Variants in HABP2 observed in about 807,000 individuals in gnomAD.
HABP2 encodes the protein factor VII-activating protease.
A neutral mutation model predicts 66.5 loss-of-function variants in HABP2; 65 were observed. That is an observed-to-expected ratio of 0.98 (90% CI 0.80 to 1.20). The LOEUF is 1.20. HABP2 is among the 50% of genes most tolerant of loss of function. The probability of loss-of-function intolerance (pLI) is 0.00; values close to 1 mark genes in which losing one functional copy is unlikely to be tolerated. For missense variants in HABP2, 786 were observed against 691.0 expected (o/e 1.14, Z -1.54); for synonymous variants, 263 against 253.9 (o/e 1.04, Z -0.34).
intron 2 of HABP2, chr10:113,569,692 G>A (rs752249087): frequency 2.0e-5 from 3 of 152,314 alleles, no homozygotes; most frequent in Non-Finnish European, 2.9e-5. Context: ...CTTCAAAGCT[G>A]GCTTGGCTCT....
intron 3 of HABP2, among the ~76,000 whole-genome samples, chr10:113,574,748 A>G (rs1438830549): frequency 1.3e-5 from 2 of 152,212 alleles, no homozygotes; most frequent in African/African-American, 4.8e-5. Flanking sequence ...CCCATAGCTT[A>G]GATTACAGGT....
chr10:113,557,086 C>A (rs1845011245), intron 1 of HABP2, among the ~76,000 whole-genome samples: 1 of 152,158 alleles, frequency 6.6e-6, no homozygotes, highest in Non-Finnish European at 1.5e-5. Context: ...AGTGACCAGG[C>A]TCAGCATCCG....
intron 2 of HABP2, among the ~76,000 whole-genome samples, chr10:113,568,851 G>A (rs1188718059): frequency 6.6e-6 from 1 of 152,186 alleles, no homozygotes; most frequent in African/African-American, 2.4e-5. Flanking sequence ...GAAGACTCAA[G>A]GGCCCTTGAC....
chr10:113,580,529 G>T (rs767807573), intron 7 of HABP2, 66 bp from the exon 8 acceptor site: 8 of 849,680 alleles, frequency 9.4e-6, no homozygotes, highest in Non-Finnish European at 1.6e-5. Flanking sequence ...TTATCCAAAG[G>T]TTCTTTAATA....
chr10:113,556,460 A>G (rs1565095021), intron 1 of HABP2, among the ~76,000 whole-genome samples: 1 of 152,114 alleles, frequency 6.6e-6, no homozygotes, highest in Non-Finnish European at 1.5e-5. Flanking sequence ...CATGCCTGTA[A>G]TCCCAGCACT....
At chr10:113,567,251 C>G (rs1845214700) in intron 1 of HABP2, among the ~76,000 whole-genome samples, 2 of 152,120 alleles carry the variant, frequency 1.3e-5, no homozygotes, top group African/African-American at 4.8e-5. Flanking sequence ...TGACACGAAC[C>G]CCTGCTGTGG....
intron 7 of HABP2, 30 bp from the exon 8 acceptor site, chr10:113,580,565 G>T: frequency 1.8e-6 from 2 of 1,139,778 alleles, no homozygotes; most frequent in South Asian, 2.5e-5. Context: ...ATCAAGCCTT[G>T]ACTCTGAGTT....
chr10:113,578,642 A>G lies in HABP2; in HGVS notation c.584A>G (p.Tyr195Cys), dbSNP rs141190297. The G allele has an allele frequency of 1.1e-5, 18 of 1,612,682 alleles. No individual in the cohort carries two copies. The highest frequency in any genetic ancestry group is 6.7e-5 in the East Asian group (3 of 44,882). Residue 195 changes from tyrosine to cysteine, a missense_variant, in exon 7 of 13, where the codon TAT (tyrosine) becomes TGT (cysteine). Tyr to Cys is a radical substitution (Grantham distance 194, BLOSUM62 -2). Transcript: ENST00000351270. ...TCTCTCGGAGGTTCTGATGACTGCT[A>G]TGTTGGCGATGGCTACTCTTACCGA... ...KFCEIGSDDC[Y>C]VGDGYSYRGK...
intron 1 of HABP2, among the ~76,000 whole-genome samples, chr10:113,557,958 G>C (rs1213157828): frequency 6.6e-6 from 1 of 152,206 alleles, no homozygotes; most frequent in Non-Finnish European, 1.5e-5. Context: ...GGAGGTTACA[G>C]CTCTGGGATT....
intron 1 of HABP2, among the ~76,000 whole-genome samples, chr10:113,561,567 T>C (rs1845100950): frequency 6.6e-6 from 1 of 151,904 alleles, no homozygotes; most frequent in Non-Finnish European, 1.5e-5. Context: ...AGGCATAGGG[T>C]AGAACATGCA....
chr10:113,567,656 C>A (rs771318382), intron 2 of HABP2, 131 bp downstream of exon 2: 3 of 702,740 alleles, frequency 4.3e-6, no homozygotes, highest in Non-Finnish European at 7.7e-6. Flanking sequence ...TCACAGGCAC[C>A]TTTGAGAACT....
In HABP2 at chr10:113,576,017, T is replaced by C. The variant is rs749035118; in HGVS notation, c.331+13T>C. On this transcript the variant is annotated intron_variant, in intron 4 of 12. Transcript: ENST00000351270. Reference sequence around the variant, plus strand: ...AAGTGTCAGAAAGGTGAGTCCGTCATCACTAGTCCACTCTTCCCTCTGAGT... The same window carrying C: ...AAGTGTCAGAAAGGTGAGTCCGTCACCACTAGTCCACTCTTCCCTCTGAGT... 7.5e-6 allele frequency: 10 copies of C among 1,337,022 alleles called. No individual in the cohort carries two copies. Among genetic ancestry groups the C allele is most frequent in the Admixed American group, 5.0e-5 (3 of 59,476 alleles). 82.8% of individuals were successfully genotyped at this position (1,337,022 alleles called of 1,614,324 possible).
chr10:113,561,887 C>T (rs891442656), intron 1 of HABP2, among the ~76,000 whole-genome samples: 2 of 152,176 alleles, frequency 1.3e-5, no homozygotes, highest in African/African-American at 4.8e-5. Context: ...GATGTATGTG[C>T]ACCCCACCCA....
At chr10:113,571,129 C>G (rs1845299810) in intron 2 of HABP2, among the ~76,000 whole-genome samples, 1 of 152,174 alleles carries the variant, frequency 6.6e-6, no homozygotes, top group Non-Finnish European at 1.5e-5. Context: ...AACCACTGAC[C>G]ATGTATTTAG....
chr10:113,555,820 G>C (rs1317162026), intron 1 of HABP2, among the ~76,000 whole-genome samples: 1 of 152,184 alleles, frequency 6.6e-6, no homozygotes. Context: ...ATTGGGGCCA[G>C]GTCTGTCTGA....
intron 12 of HABP2, among the ~76,000 whole-genome samples, chr10:113,587,253 G>T (rs536299556): frequency 1.3e-5 from 2 of 152,240 alleles, no homozygotes; most frequent in African/African-American, 4.8e-5. Context: ...GGAAACGGAG[G>T]TTGCAGTGAG....
chr10:113,551,052 T>C (rs1844890102), upstream of HABP2: 1 of 152,200 alleles, frequency 6.6e-6, no homozygotes, highest in African/African-American at 2.4e-5. Context: ...CCACATCCAG[T>C]TTTTCCTTTC....
chr10:113,589,429 T>C lies in HABP2; in HGVS notation c.*1060T>C. ...GGGATTGATGTAGCCCCGGTAGGTT[T>C]GCCTCTGCAGAACTAATGGCTGTGA... On this transcript the variant is annotated 3_prime_UTR_variant, in exon 13 of 13. Coordinates refer to ENST00000351270, the MANE Select transcript of HABP2 (RefSeq NM_004132.5). 1.7e-6 allele frequency: 1 copy of C among 593,826 alleles called. No individual in the cohort carries two copies. 36.8% of individuals were successfully genotyped at this position (593,826 alleles called of 1,614,324 possible). A position where few individuals can be genotyped will look rare whatever the true frequency, so the allele number is the denominator to read the frequency against.
intron 2 of HABP2, chr10:113,572,554 AC>A (rs1845332637): frequency 3.3e-6 from 1 of 304,980 alleles, no homozygotes; most frequent in African/African-American, 2.2e-5. Context: ...TCCTTATCAA[AC>A]CCCATTGTCT....
Sources: gnomAD v4.1 joint callset for allele counts (sites outside exome capture counted in the v4.1 genomes callset) on GRCh38, gnomAD v4.1.1 for gene constraint, MANE v1.5 for transcripts, NCBI Gene and HGNC (gene_info 2026-07-23, HGNC 2026-07-21) for gene names.